STOX2: variants seen among roughly 807,000 people sequenced by gnomAD.
STOX2 encodes storkhead box 2.
STOX2 carries 28 observed loss-of-function variants against 60.9 expected under a neutral mutation model. That is an observed-to-expected ratio of 0.46 (90% CI 0.34 to 0.63). The LOEUF (loss-of-function observed/expected upper bound fraction) is 0.63, where lower values mean the gene tolerates loss of function less well. Ranked by LOEUF, STOX2 falls within the 30% of genes least tolerant of loss-of-function variation. STOX2 has a pLI of 0.01. For missense variants in STOX2, 1,024 were observed against 1,187.7 expected (o/e 0.86, Z 2.03); for synonymous variants, 472 against 463.9 (o/e 1.02, Z -0.22).
intron 1 of STOX2, among the ~76,000 whole-genome samples, chr4:183,986,871 G>A (rs921614381): frequency 3.3e-5 from 5 of 152,104 alleles, no homozygotes; most frequent in Non-Finnish European, 5.9e-5. Flanking sequence ...GATTTTAGCC[G>A]GGAGACCCAC....
intron 1 of STOX2, among the ~76,000 whole-genome samples, chr4:183,948,584 T>A (rs1384444711): frequency 8.1e-6 from 1 of 123,774 alleles, no homozygotes; most frequent in Non-Finnish European, 1.6e-5. Context: ...TAGGCTGGAG[T>A]GCAGTGGCGC....
At chr4:183,994,627 A>G (rs1733254691) in intron 1 of STOX2, among the ~76,000 whole-genome samples, 1 of 152,234 alleles carries the variant, frequency 6.6e-6, no homozygotes, top group African/African-American at 2.4e-5. Context: ...AATCTTTGAA[A>G]TCATTTCATC....
At position 183,914,408 on chromosome 4, in the gene STOX2, A is replaced by C. The variant is rs12501665; in HGVS notation, c.166+7452A>C. On this transcript the variant is annotated intron_variant, in intron 1 of 3. Coordinates refer to ENST00000308497, the MANE Select transcript of STOX2 (RefSeq NM_020225.3). ...AGCCGAGATTGTGCCACTGCACTCC[A>C]GCCTGGTTGACAGAAGGAGACCTTG... Among the ~76,000 whole-genome samples the C allele has an allele frequency of 4.6e-3, 695 of 152,334 alleles. 17 individuals carry two copies. The highest frequency in any genetic ancestry group is 0.036 in the Admixed American group (551 of 15,306).
At position 184,009,061 on chromosome 4, in the gene STOX2, T is replaced by C; in HGVS notation, c.320-97T>C. The stretch of plus-strand genomic sequence containing the variant: ...ATTGTGCATCCTAGCTCTGTGATGG[T>C]ACTTCGCATCTTGGCGAATGAATAG... On this transcript the variant is annotated intron_variant, in intron 2 of 3. Transcript: ENST00000308497. This position sits in a 1 kb window ranked among gnomAD's most constrained non-coding sequence, Gnocchi z 4.0. The C allele has an allele frequency of 8.6e-6, 8 of 935,588 alleles. No individual in the cohort carries two copies. The highest frequency in any genetic ancestry group is 1.3e-5 in the Non-Finnish European group (8 of 631,292). The allele number at this position is 935,588 out of a possible 1,614,324, so 58.0% of individuals were successfully genotyped here.
chr4:183,809,095 T>G (rs1738975561), intron 1 of STOX2, among the ~76,000 whole-genome samples: 1 of 152,216 alleles, frequency 6.6e-6, no homozygotes, highest in South Asian at 2.1e-4. Context: ...TATTTATTTT[T>G]GAGACAGAGG....
At chr4:183,800,864 G>A (rs74519218) in intron 1 of STOX2, among the ~76,000 whole-genome samples, 3,533 of 152,274 alleles carry the variant, frequency 0.023, 283 homozygotes, top group Admixed American at 0.15. Context: ...ACTTGGGTTC[G>A]CCTGGGTGCA....
chr4:184,011,520 C>A lies in STOX2; in HGVS notation c.2585+97C>A. 6.3e-7 allele frequency: 1 copy of A among 1,577,626 alleles called. No individual in the cohort carries two copies. The highest frequency in any genetic ancestry group is 1.4e-5 in the African/African-American group (1 of 73,878). ...AGTTTCTGATTTCGTAGTCTCAGTTCTATGGATGAGGGTTAAGAGTTGTAT... is the reference window on the plus strand; with the variant it reads ...AGTTTCTGATTTCGTAGTCTCAGTTATATGGATGAGGGTTAAGAGTTGTAT... On this transcript the variant is annotated intron_variant, in intron 3 of 3. Coordinates refer to ENST00000308497, the MANE Select transcript of STOX2 (RefSeq NM_020225.3). This position sits in a 1 kb window ranked among gnomAD's most constrained non-coding sequence, Gnocchi z 4.4.
Position 183,881,546 on chromosome 4 carries a change from C to T in STOX2, c.364+83491C>T, listed in dbSNP as rs144858501. 4.5e-4 allele frequency among the ~76,000 whole-genome samples: 69 copies of T among 152,214 alleles called. 1 individual carries two copies. The East Asian group carries it at 9.1e-3, about 20-fold the overall frequency. ...CAGTGAATGGAAAGGACATCACTGC[C>T]TCACATTTTAAGCTCTTATATATTT... On this transcript the variant is annotated intron_variant, in intron 1 of 2. Transcript: ENST00000513034.
At chr4:183,880,230 C>T (rs1002397647) in intron 1 of STOX2, among the ~76,000 whole-genome samples, 3 of 152,080 alleles carry the variant, frequency 2.0e-5, no homozygotes, top group Admixed American at 6.6e-5. Context: ...GTGATCCGCC[C>T]GCCTTGGCCT....
At chr4:183,944,606 TG>T (rs970287748) in intron 1 of STOX2, among the ~76,000 whole-genome samples, 23 of 152,060 alleles carry the variant, frequency 1.5e-4, no homozygotes, top group African/African-American at 5.6e-4. Flanking sequence ...CCCAGCTACT[TG>T]GGAGGCTGAG....
chr4:183,921,890 T>A (rs1346204594), intron 1 of STOX2, among the ~76,000 whole-genome samples: 1 of 152,238 alleles, frequency 6.6e-6, no homozygotes, highest in Non-Finnish European at 1.5e-5. Flanking sequence ...CACAAAGTTG[T>A]CAGCTTTTAA....
rs1560857959 is a variant in STOX2, at chr4:183,874,994, A to AT, written c.364+76939_364+76940insT. Reference sequence around the variant, plus strand: ...ATATATATATATATATATATATATAAAACTTAGAATTTTGCAGTGTGAATT... The same window carrying AT: ...ATATATATATATATATATATATATAATAACTTAGAATTTTGCAGTGTGAATT... On this transcript the variant is annotated intron_variant, in intron 1 of 2. Coordinates refer to the STOX2 transcript ENST00000513034. Among the ~76,000 whole-genome samples the AT allele has an allele frequency of 6.6e-4, 66 of 99,706 alleles. 1 individual carries two copies. The highest frequency in any genetic ancestry group is 2.3e-3 in the African/African-American group (63 of 27,474). 65.4% of individuals were successfully genotyped at this position (99,706 alleles called of 152,430 possible).
chr4:183,967,100 C>T (rs775024773), intron 1 of STOX2, among the ~76,000 whole-genome samples: 2 of 152,104 alleles, frequency 1.3e-5, no homozygotes. Flanking sequence ...CGGTGGCTCA[C>T]GCCTGTAATC....
chr4:184,011,087 C>T lies in STOX2; in HGVS notation c.2249C>T (p.Ala750Val), dbSNP rs567574623. The change falls in exon 3 of 4, where the codon GCG becomes GTG. Residue 750 changes from alanine to valine, a missense_variant. Ala to Val is a moderately conservative substitution (Grantham distance 64). This residue lies in a region of STOX2 where 922 missense variants were observed against 1,058.3 expected (regional missense o/e 0.87). Transcript: ENST00000308497. The surrounding 1 kb of genome is among the most constrained non-coding windows in gnomAD (Gnocchi z 4.4). ...CTGGAACCGTCCCTGGGGACCTCGGCGGCACAAGCCATGCCTGCTTCCCAG... is the reference window on the plus strand; with the variant it reads ...CTGGAACCGTCCCTGGGGACCTCGGTGGCACAAGCCATGCCTGCTTCCCAG... ...EKLEPSLGTSAAQAMPASQRQ... is the reference protein window; with the variant it reads ...EKLEPSLGTSVAQAMPASQRQ... The T allele has an allele frequency of 4.3e-5, 68 of 1,595,318 alleles. No homozygotes were observed. The highest frequency in any genetic ancestry group is 2.6e-4 in the Admixed American group (15 of 57,710).
chr4:183,994,770 T>A (rs535677371), intron 1 of STOX2, among the ~76,000 whole-genome samples: 2 of 152,328 alleles, frequency 1.3e-5, no homozygotes, highest in African/African-American at 4.8e-5. Context: ...TATAAACTAG[T>A]ACAGTTTCAG....
chr4:183,909,397 C>G (rs993252982), intron 1 of STOX2, among the ~76,000 whole-genome samples: 1 of 152,054 alleles, frequency 6.6e-6, no homozygotes, highest in Non-Finnish European at 1.5e-5. Context: ...ACACATGAGG[C>G]CTTTCATATT....
At chr4:183,965,070 G>T (rs577415328) in intron 1 of STOX2, among the ~76,000 whole-genome samples, 1 of 152,168 alleles carries the variant, frequency 6.6e-6, no homozygotes, top group African/African-American at 2.4e-5. Flanking sequence ...CTTGAAATCT[G>T]AAATTTGAAT....
chr4:183,919,930 C>T (rs1235969898), intron 1 of STOX2, among the ~76,000 whole-genome samples: 1 of 151,956 alleles, frequency 6.6e-6, no homozygotes, highest in Non-Finnish European at 1.5e-5. Context: ...TGAGCATGTA[C>T]TTGGTGTGTT....
chr4:183,920,894 A>G (rs2111101231), intron 1 of STOX2, among the ~76,000 whole-genome samples: 1 of 152,358 alleles, frequency 6.6e-6, no homozygotes, highest in South Asian at 2.1e-4. Context: ...GTCTTAACGC[A>G]TTTAGTGCAA....
Sources: allele counts gnomAD v4.1 joint callset (sites outside exome capture counted in the v4.1 genomes callset), GRCh38; gene constraint gnomAD v4.1.1; regional missense constraint gnomAD v4.1.1; non-coding constraint Gnocchi (gnomAD v3.1); transcripts MANE v1.5; gene names NCBI Gene and HGNC (gene_info 2026-07-23, HGNC 2026-07-21).